EML6: variants seen among roughly 807,000 people sequenced by gnomAD.
The protein encoded by EML6 is EMAP like 6, also known as echinoderm microtubule-associated protein-like 6.
A neutral mutation model predicts 240.1 loss-of-function variants in EML6; 154 were observed. The observed-to-expected ratio is 0.64, with a 90% CI of 0.56 to 0.73. EML6 has a LOEUF of 0.73. Ranked by LOEUF, EML6 falls within the 30% of genes least tolerant of loss-of-function variation. The pLI is 0.00. For synonymous variants in EML6, 1,148 were observed against 899.0 expected, an observed-to-expected ratio of 1.28 and a Z score of -4.95; for missense variants, 2,964 against 2,474.6, an observed-to-expected ratio of 1.20 and a Z score of -4.20.
At chr2:54,783,655 T>C (rs747515254) in intron 2 of EML6, among the ~76,000 whole-genome samples, 5 of 152,216 alleles carry the variant, frequency 3.3e-5, no homozygotes, top group Non-Finnish European at 7.3e-5. Flanking sequence ...ACTGTGATGA[T>C]TATATTCACT....
intron 16 of EML6, among the ~76,000 whole-genome samples, chr2:54,878,890 A>G (rs538403112): frequency 2.6e-5 from 4 of 152,352 alleles, no homozygotes; most frequent in Non-Finnish European, 4.4e-5. Context: ...GGTAGGATAT[A>G]TATCAAATGT....
rs1371684947 is a variant in EML6, at chr2:54,950,769, C to T, written c.4203C>T (p.Asn1401=). ...FHTAAAGIVQ[N]LSTGSQSFYL... ...CAGCAGCGGCTGGCATCGTTCAGAA[C>T]CTCTCCACAGGTAACCGGGGGTTAA... Residue 1401 remains asparagine (N), a synonymous_variant, in exon 30 of 42, where the codon AAC becomes AAT. Transcript: ENST00000356458. 16 of 1,551,412 alleles carry T rather than the reference C, an allele frequency of 1.0e-5. No individual in the cohort carries two copies. The highest frequency in any genetic ancestry group is 2.4e-5 in the East Asian group (1 of 40,926).
chr2:54,964,032 C>T lies in EML6; in HGVS notation c.5204C>T (p.Ala1735Val), dbSNP rs1439256620. The change falls in exon 37 of 42, where the codon GCC (alanine) becomes GTC (valine). Residue 1735 changes from alanine (A) to valine (V), a missense_variant. Physicochemically the swap from Ala to Val is moderately conservative, Grantham distance 64 (BLOSUM62 0). Transcript: ENST00000356458. ...TTGGGCCATGCGGCCAGGTGTGCAGCCTACAGCCCTGATGGGGAGATGGTG... is the reference window on the plus strand; with the variant it reads ...TTGGGCCATGCGGCCAGGTGTGCAGTCTACAGCCCTGATGGGGAGATGGTG... Reference protein sequence around the residue: ...VSLGHAARCAAYSPDGEMVAI... With the variant: ...VSLGHAARCAVYSPDGEMVAI... The T allele has an allele frequency of 3.2e-6, 5 of 1,551,708 alleles. No individual in the cohort carries two copies. The highest frequency in any genetic ancestry group is 2.4e-5 in the East Asian group (1 of 40,926).
chr2:54,830,386 A>C (rs2104188639), intron 7 of EML6, among the ~76,000 whole-genome samples: 1 of 152,324 alleles, frequency 6.6e-6, no homozygotes, highest in Admixed American at 6.5e-5. Flanking sequence ...CCACAGGATG[A>C]AAACTTACCC....
intron 36 of EML6, among the ~76,000 whole-genome samples, chr2:54,963,422 A>G (rs1301804572): frequency 6.6e-6 from 1 of 152,252 alleles, no homozygotes; most frequent in Non-Finnish European, 1.5e-5. Context: ...ATCAGTGCCT[A>G]CAATAACCTT....
chr2:54,892,835 C>T (rs1001703754), intron 19 of EML6, among the ~76,000 whole-genome samples, 179 bp downstream of exon 19: 5 of 152,122 alleles, frequency 3.3e-5, no homozygotes, highest in Admixed American at 2.0e-4. Context: ...TTTATAATTT[C>T]GTTTACAGTT....
intron 2 of EML6, among the ~76,000 whole-genome samples, chr2:54,798,299 A>C (rs1669930434): frequency 1.3e-5 from 2 of 151,942 alleles, no homozygotes; most frequent in South Asian, 4.2e-4. Context: ...CAGCCTCCTG[A>C]GTAGCTGGGA....
chr2:54,765,096 G>A (rs184052073), intron 2 of EML6, among the ~76,000 whole-genome samples: 3 of 150,970 alleles, frequency 2.0e-5, no homozygotes. Flanking sequence ...ATATTTTCTG[G>A]ATATCTTCCT....
chr2:54,829,381 G>A lies in EML6; in HGVS notation c.751G>A (p.Ala251Thr), dbSNP rs1320700854. 1.3e-6 allele frequency: 2 copies of A among 1,551,906 alleles called. No individual in the cohort carries two copies. Among genetic ancestry groups the A allele is most frequent in the Non-Finnish European group, 8.7e-7 (1 of 1,146,976 alleles). ...CATGTATGCTTGTGAAGAAGGCTTT[G>A]CCACTGGTGGGCGAGATGGGTGTAT... ...FSMYACEEGF[A>T]TGGRDGCIRL... The change falls in exon 7 of 42, where the codon GCC (alanine) becomes ACC (threonine). Residue 251 changes from alanine (A) to threonine (T), a missense_variant. By Grantham distance (58) the Ala-to-Thr change is moderately conservative. Transcript: ENST00000356458.
intron 7 of EML6, among the ~76,000 whole-genome samples, chr2:54,840,748 G>T (rs1283462738): frequency 1.3e-5 from 2 of 152,202 alleles, no homozygotes; most frequent in African/African-American, 4.8e-5. Context: ...ACTGTGCCAG[G>T]TATTGAGGAT....
chr2:54,834,424 T>G (rs924868422), intron 7 of EML6, among the ~76,000 whole-genome samples: 3 of 152,220 alleles, frequency 2.0e-5, no homozygotes, highest in Admixed American at 6.5e-5. Flanking sequence ...CACTTTGGGT[T>G]AATGGTTATA....
At position 54,971,531 on chromosome 2, in the gene EML6, C is replaced by T. The variant is rs1057204809; in HGVS notation, c.*1436C>T. 6.6e-6 allele frequency: 1 copy of T among 152,224 alleles called. No homozygotes were observed. Among genetic ancestry groups the T allele is most frequent in the South Asian group, 2.1e-4 (1 of 4,832 alleles). 9.4% of individuals were successfully genotyped at this position (152,224 alleles called of 1,614,324 possible). On this transcript the variant is annotated 3_prime_UTR_variant, in exon 42 of 42. Transcript: ENST00000356458. ...CATTTTCAATTGTAGAATAGACTAA[C>T]ATTTACCACAGAAGTGCTTCAGCAT...
chr2:54,746,697 C>T (rs17046283), intron 2 of EML6, among the ~76,000 whole-genome samples: 30,906 of 151,978 alleles, frequency 0.2, 3,161 homozygotes, highest in African/African-American at 0.24. Flanking sequence ...AGCTAGAAAA[C>T]GATTGATCTG....
chr2:54,880,252 C>T (rs1195557593), intron 17 of EML6: 1 of 152,364 alleles, frequency 6.6e-6, no homozygotes, highest in Non-Finnish European at 1.5e-5. Context: ...ACATTGAGCT[C>T]AGCTGTTTGC....
chr2:54,786,113 T>G (rs1365660988), intron 2 of EML6, among the ~76,000 whole-genome samples: 1 of 151,822 alleles, frequency 6.6e-6, no homozygotes, highest in East Asian at 1.9e-4. Flanking sequence ...GCCTTCTGTT[T>G]TTTCTGGTGT....
At chr2:54,755,855 T>C (rs1667696983) in intron 2 of EML6, among the ~76,000 whole-genome samples, 1 of 151,986 alleles carries the variant, frequency 6.6e-6, no homozygotes, top group South Asian at 2.1e-4. Context: ...AGACGGAGTT[T>C]CATCATGTTG....
At chr2:54,836,097 A>G (rs944446854) in intron 7 of EML6, among the ~76,000 whole-genome samples, 1 of 152,116 alleles carries the variant, frequency 6.6e-6, no homozygotes, top group African/African-American at 2.4e-5. Flanking sequence ...CTGAGAAGGT[A>G]GAAGAACACT....
Position 54,891,035 on chromosome 2 carries a change from T to C in EML6, c.2439-19T>C. On this transcript the variant is annotated intron_variant, in intron 17 of 41. Transcript: ENST00000356458. ...CTTCCATCCAAACTAGAATCTTATTTCCTATTTGTCTCTTACAGAGGACAT... is the reference window on the plus strand; with the variant it reads ...CTTCCATCCAAACTAGAATCTTATTCCCTATTTGTCTCTTACAGAGGACAT... The C allele has an allele frequency of 8.2e-7, 1 of 1,225,804 alleles. No homozygotes were observed. Among genetic ancestry groups the C allele is most frequent in the African/African-American group, 1.5e-5 (1 of 67,092 alleles). 75.9% of individuals were successfully genotyped at this position (1,225,804 alleles called of 1,614,324 possible).
chr2:54,932,560 T>C (rs1389109852), intron 28 of EML6, among the ~76,000 whole-genome samples: 1 of 152,186 alleles, frequency 6.6e-6, no homozygotes, highest in Non-Finnish European at 1.5e-5. Flanking sequence ...TGCCGTGTTT[T>C]CTTATAATGT....
Sources: allele counts gnomAD v4.1 joint callset (sites outside exome capture counted in the v4.1 genomes callset), GRCh38; gene constraint gnomAD v4.1.1; transcripts MANE v1.5; gene names NCBI Gene and HGNC (gene_info 2026-07-23, HGNC 2026-07-21).